TBC1D15: variants seen among roughly 807,000 people sequenced by gnomAD.
The protein encoded by TBC1D15 is TBC1 domain family member 15.
TBC1D15 carries 39 observed loss-of-function variants against 95.4 expected under a neutral mutation model. The ratio of observed to expected loss-of-function variants is 0.41; its 90% CI spans 0.32 to 0.53. The LOEUF (loss-of-function observed/expected upper bound fraction) is 0.53. Among genes scored for constraint, TBC1D15 ranks in the 20% least tolerant of loss-of-function variants. The pLI, the probability that TBC1D15 is intolerant of heterozygous loss-of-function variation, is 0.29. For synonymous variants in TBC1D15, 258 were observed against 261.3 expected, an observed-to-expected ratio of 0.99 and a Z score of 0.12; for missense variants, 733 against 794.3, an observed-to-expected ratio of 0.92 and a Z score of 0.93.
intron 1 of TBC1D15, among the ~76,000 whole-genome samples, chr12:71,859,909 C>T (rs79037981): frequency 6.6e-6 from 1 of 152,276 alleles, no homozygotes; most frequent in South Asian, 2.1e-4. Context: ...CCATGCCTAG[C>T]CTTTCAATCC....
chr12:71,849,249 A>C lies in TBC1D15; in HGVS notation c.30+9438A>C, dbSNP rs116387692. 3,582 of 640,300 alleles carry C rather than the reference A, an allele frequency of 5.6e-3. 101 individuals carry two copies. In the African/African-American group the frequency reaches 0.06, roughly 11 times the overall value. 39.7% of individuals were successfully genotyped at this position (640,300 alleles called of 1,614,324 possible). A position where few individuals can be genotyped will look rare whatever the true frequency, so the allele number is the denominator to read the frequency against. On this transcript the variant is annotated intron_variant, in intron 1 of 16. Coordinates refer to ENST00000485960, the MANE Select transcript of TBC1D15 (RefSeq NM_001146213.3). ...TGGTTTGTTAGGATACTCCTGCCTG[A>C]TCCAAGTGCATCAGGTCTGAGACTG... is the stretch of plus-strand genomic sequence containing the variant.
intron 6 of TBC1D15, 116 bp downstream of exon 6, chr12:71,893,440 ATGTG>A: frequency 6.4e-6 from 3 of 469,968 alleles, no homozygotes; most frequent in Non-Finnish European, 7.3e-6. Context: ...ATACATAGAT[ATGTG>A]TGTGTGTGTG....
intron 5 of TBC1D15, 102 bp from the exon 6 acceptor site, chr12:71,893,120 G>GT (rs77560730): frequency 0.12 from 51,502 of 447,462 alleles, 241 homozygotes; most frequent in East Asian, 0.16. Flanking sequence ...AATATTTTGG[G>GT]TTTTTTTTTT....
rs773074064 is a variant in TBC1D15 at position 71,893,267 on chromosome 12, G to A, written c.600G>A (p.Lys200=). The A allele has an allele frequency of 2.8e-5, 45 of 1,609,410 alleles. No individual in the cohort carries two copies. The highest frequency in any genetic ancestry group is 3.7e-5 in the Non-Finnish European group (43 of 1,177,894). ...CACTTCTTGTGAATTGTCAGAATAA[G>A]AGTCTTTCACAGTCTTTTGAAAATC... ...KRTLLVNCQN[K]SLSQSFENLL... is the part of the protein sequence containing the mutation. Residue 200 remains lysine, a synonymous_variant, in exon 6 of 17, where the codon AAG becomes AAA. Coordinates refer to ENST00000485960, the MANE Select transcript of TBC1D15 (RefSeq NM_001146213.3).
At chr12:71,843,722 C>T (rs1458524010) in intron 1 of TBC1D15, among the ~76,000 whole-genome samples, 1 of 152,048 alleles carries the variant, frequency 6.6e-6, no homozygotes, top group East Asian at 1.9e-4. Context: ...GATCATGGTT[C>T]ATTGCAGCGC....
At chr12:71,912,564 G>C (rs1011872104) in intron 11 of TBC1D15, among the ~76,000 whole-genome samples, 3 of 152,098 alleles carry the variant, frequency 2.0e-5, no homozygotes, top group African/African-American at 7.2e-5. Flanking sequence ...TTTCTCAAGA[G>C]ATTTAGTTTA....
chr12:71,870,078 A>G (rs1892334813), intron 1 of TBC1D15, among the ~76,000 whole-genome samples: 1 of 152,180 alleles, frequency 6.6e-6, no homozygotes, highest in South Asian at 2.1e-4. Flanking sequence ...TCAGCATACT[A>G]TATATACATG....
intron 1 of TBC1D15, among the ~76,000 whole-genome samples, chr12:71,853,091 C>G (rs540989712): frequency 6.6e-6 from 1 of 152,286 alleles, no homozygotes; most frequent in East Asian, 1.9e-4. Context: ...CACAGTTCTT[C>G]AAGTTGTAAA....
rs538046545 is a variant in TBC1D15 at position 71,917,090 on chromosome 12, T to A, written c.1402-608T>A. ...GAGATTGTTTTAAATTTTTCATTTT[T>A]AAAAATGTCTGGTTTAATAGAAGAC... On this transcript the variant is annotated intron_variant, in intron 12 of 16. Coordinates refer to ENST00000485960, the MANE Select transcript of TBC1D15 (RefSeq NM_001146213.3). 4.6e-5 allele frequency among the ~76,000 whole-genome samples: 7 copies of A among 152,284 alleles called. No homozygotes were observed. In the East Asian group the frequency reaches 1.2e-3, roughly 25 times the overall value.
intron 5 of TBC1D15, among the ~76,000 whole-genome samples, chr12:71,889,868 C>T (rs1566018903): frequency 6.6e-6 from 1 of 152,078 alleles, no homozygotes; most frequent in Admixed American, 6.6e-5. Flanking sequence ...GTTTAGCTCC[C>T]GCTTATAAGT....
intron 1 of TBC1D15, among the ~76,000 whole-genome samples, chr12:71,856,032 AT>A (rs1296960803): frequency 2.0e-5 from 3 of 152,124 alleles, no homozygotes; most frequent in African/African-American, 7.2e-5. Flanking sequence ...CCATACAGAA[AT>A]TATGGTTCAC....
intron 3 of TBC1D15, among the ~76,000 whole-genome samples, chr12:71,879,642 A>G (rs1230330977): frequency 2.0e-5 from 3 of 152,218 alleles, no homozygotes; most frequent in Non-Finnish European, 4.4e-5. Flanking sequence ...GGGGCAAAAA[A>G]TAGAAATCTG....
In TBC1D15 at chr12:71,917,787, C is replaced by T. The variant is rs1592834517; in HGVS notation, c.1491C>T (p.Cys497=). 1.2e-6 allele frequency: 2 copies of T among 1,609,536 alleles called. No individual in the cohort carries two copies. The highest frequency in any genetic ancestry group is 1.1e-5 in the South Asian group (1 of 90,670). The change falls in exon 13 of 17, where the codon TGC becomes TGT. Residue 497 remains cysteine (C), a synonymous_variant. Transcript: ENST00000485960. The stretch of plus-strand genomic sequence containing the variant: ...TTCGATTGTTAGACAGTGGATTTTG[C>T]AGTTACTTAGGTAAGTTTAGTGAAT... The part of the protein sequence containing the change: ...TLLRLLDSGF[C]SYLESQDSGY...
chr12:71,854,070 C>T (rs1419509577), intron 1 of TBC1D15, among the ~76,000 whole-genome samples: 2 of 152,190 alleles, frequency 1.3e-5, no homozygotes, highest in Non-Finnish European at 2.9e-5. Flanking sequence ...CCCCTATTTC[C>T]CACATCTCTC....
chr12:71,841,654 T>G (rs1885040792), intron 1 of TBC1D15, among the ~76,000 whole-genome samples: 1 of 152,204 alleles, frequency 6.6e-6, no homozygotes, highest in South Asian at 2.1e-4. Flanking sequence ...TACTGCATCT[T>G]CTTTACTATC....
chr12:71,867,567 C>G (rs1891757676), intron 1 of TBC1D15, among the ~76,000 whole-genome samples: 1 of 152,160 alleles, frequency 6.6e-6, no homozygotes, highest in Non-Finnish European at 1.5e-5. Context: ...CAAAAGTGTT[C>G]TGAATTTTGG....
intron 1 of TBC1D15, among the ~76,000 whole-genome samples, chr12:71,858,287 G>A (rs1448952036): frequency 6.6e-6 from 1 of 151,980 alleles, no homozygotes; most frequent in Non-Finnish European, 1.5e-5. Flanking sequence ...GATCAGGCTG[G>A]TCTGGAACTC....
chr12:71,849,680 C>T (rs1887267486), intron 1 of TBC1D15: 4 of 557,420 alleles, frequency 7.2e-6, no homozygotes, highest in Non-Finnish European at 1.4e-5. Context: ...ACTCTATCTC[C>T]TCTGCATGGT....
chr12:71,843,033 T>A (rs536508380), intron 1 of TBC1D15, among the ~76,000 whole-genome samples: 1 of 150,824 alleles, frequency 6.6e-6, no homozygotes, highest in African/African-American at 2.4e-5. Flanking sequence ...ATGCTTGTAA[T>A]CATCACTTTG....
Sources: allele counts gnomAD v4.1 joint callset (sites outside exome capture counted in the v4.1 genomes callset), GRCh38; gene constraint gnomAD v4.1.1; transcripts MANE v1.5; gene names NCBI Gene and HGNC (gene_info 2026-07-23, HGNC 2026-07-21).